NCKAP5: variants seen among roughly 807,000 people sequenced by gnomAD.
NCKAP5 encodes the protein nck-associated protein 5.
In NCKAP5, 92 loss-of-function variants were observed where a neutral mutation model predicts 167.0. That is an observed-to-expected ratio of 0.55 (90% CI 0.47 to 0.66). NCKAP5 has a LOEUF of 0.66. NCKAP5 is among the 30% of genes least tolerant of loss of function. The probability of loss-of-function intolerance (pLI) is 0.00; values close to 1 mark genes in which losing one functional copy is unlikely to be tolerated. For synonymous variants in NCKAP5, 891 were observed against 877.4 expected, an observed-to-expected ratio of 1.02 and a Z score of -0.27; for missense variants, 2,378 against 2,315.0, an observed-to-expected ratio of 1.03 and a Z score of -0.56.
chr2:133,507,049 T>TA (rs1558736812), intron 3 of NCKAP5, among the ~76,000 whole-genome samples: 1 of 152,162 alleles, frequency 6.6e-6, no homozygotes, highest in Non-Finnish European at 1.5e-5. Context: ...CATAGCTACC[T>TA]ACCACACCCA....
chr2:133,613,344 T>C, the NCKAP5 span, among the ~76,000 whole-genome samples: 1 of 152,162 alleles, frequency 6.6e-6, no homozygotes, highest in African/African-American at 2.4e-5. Flanking sequence ...GTTATAATTA[T>C]TAAGAAAGAT....
At chr2:132,910,144 T>G (rs1163991846) in intron 8 of NCKAP5, among the ~76,000 whole-genome samples, 1 of 152,158 alleles carries the variant, frequency 6.6e-6, no homozygotes, top group Non-Finnish European at 1.5e-5. Context: ...AGTAGGTGTA[T>G]GTATTTATGG....
intron 3 of NCKAP5, among the ~76,000 whole-genome samples, chr2:133,492,271 C>G (rs1339994026): frequency 6.6e-6 from 1 of 152,096 alleles, no homozygotes; most frequent in Non-Finnish European, 1.5e-5. Flanking sequence ...CCATTCACCA[C>G]ATAAGTGAAA....
At chr2:133,098,569 T>C (rs573763676) in intron 6 of NCKAP5, among the ~76,000 whole-genome samples, 1 of 152,302 alleles carries the variant, frequency 6.6e-6, no homozygotes, top group African/African-American at 2.4e-5. Flanking sequence ...AAATATTCCT[T>C]CAAAGATCAA....
chr2:133,279,572 A>G (rs533607127), intron 4 of NCKAP5, among the ~76,000 whole-genome samples: 1 of 152,166 alleles, frequency 6.6e-6, no homozygotes, highest in Non-Finnish European at 1.5e-5. Context: ...CTGTTTTATC[A>G]CAGCCAGTCT....
At chr2:133,318,843 C>G (rs1017915976) in intron 3 of NCKAP5, among the ~76,000 whole-genome samples, 2 of 151,986 alleles carry the variant, frequency 1.3e-5, no homozygotes, top group Admixed American at 1.3e-4. Context: ...CAAATGGTAC[C>G]CTTAGCCTCC....
At chr2:133,394,316 T>G (rs13408835) in intron 3 of NCKAP5, among the ~76,000 whole-genome samples, 35,781 of 152,102 alleles carry the variant, frequency 0.24, 4,385 homozygotes, top group Non-Finnish European at 0.25. Context: ...ATTGGGAGTA[T>G]GGTAGGCCAA....
intron 5 of NCKAP5, among the ~76,000 whole-genome samples, chr2:133,137,413 T>TGTGTGTGC (rs1268714438): frequency 8.2e-6 from 1 of 121,502 alleles, no homozygotes; most frequent in African/African-American, 2.9e-5. Flanking sequence ...GTTTTGTGTG[T>TGTGTGTGC]GTGTGTGTGT....
At chr2:133,293,756 G>A (rs551057780) in intron 4 of NCKAP5, among the ~76,000 whole-genome samples, 9 of 152,272 alleles carry the variant, frequency 5.9e-5, no homozygotes, top group African/African-American at 1.7e-4. Context: ...GTGCTGGACA[G>A]AGGGCATAGC....
At chr2:133,526,245 G>A (rs1410678176) in intron 2 of NCKAP5, among the ~76,000 whole-genome samples, 61 of 36,802 alleles carry the variant, frequency 1.7e-3, no homozygotes, top group African/African-American at 2.7e-3. Context: ...AGGAGGGAGG[G>A]AAGGAGGGAG....
chr2:133,044,822 C>A (rs2079335501), intron 6 of NCKAP5, among the ~76,000 whole-genome samples: 1 of 152,074 alleles, frequency 6.6e-6, no homozygotes, highest in Non-Finnish European at 1.5e-5. Context: ...GTAATCTAAT[C>A]CCAGCACTTT....
intron 5 of NCKAP5, among the ~76,000 whole-genome samples, chr2:133,172,689 C>G (rs1330546910): frequency 1.3e-5 from 2 of 151,978 alleles, no homozygotes; most frequent in African/African-American, 4.8e-5. Flanking sequence ...GCTCTGTTGC[C>G]CAGGCTGGAG....
chr2:133,266,688 G>T (rs1306665007), intron 4 of NCKAP5, among the ~76,000 whole-genome samples: 1 of 152,156 alleles, frequency 6.6e-6, no homozygotes, highest in Non-Finnish European at 1.5e-5. Context: ...CGCGCTCACC[G>T]CAGCCCGGGC....
chr2:133,074,153 A>C (rs1195629382), intron 6 of NCKAP5, among the ~76,000 whole-genome samples: 1 of 152,196 alleles, frequency 6.6e-6, no homozygotes, highest in Admixed American at 6.5e-5. Context: ...CTTTCCTCCC[A>C]AAAAAATATT....
intron 6 of NCKAP5, among the ~76,000 whole-genome samples, chr2:133,006,146 C>T (rs999176057): frequency 6.6e-6 from 1 of 151,976 alleles, no homozygotes; most frequent in Admixed American, 6.6e-5. Context: ...GTAGTCCCAG[C>T]TACTTGGGAG....
At chr2:133,391,642 C>T (rs1442380649) in intron 3 of NCKAP5, among the ~76,000 whole-genome samples, 2 of 152,172 alleles carry the variant, frequency 1.3e-5, no homozygotes, top group African/African-American at 4.8e-5. Flanking sequence ...CCGCACTCAT[C>T]CTCTAAATCT....
At chr2:133,214,254 T>C (rs1380477952) in intron 4 of NCKAP5, among the ~76,000 whole-genome samples, 2 of 152,220 alleles carry the variant, frequency 1.3e-5, no homozygotes, top group African/African-American at 2.4e-5. Flanking sequence ...GGCATCATGC[T>C]GGGCAATGCA....
In NCKAP5 at chr2:133,014,303, G is replaced by T. The variant is rs576608133; in HGVS notation, c.342-20064C>A. ...ATTCATTCTTAAAATATATGCCTTT[G>T]CTTTCCTGCCTCCAGATCTACTTCT... is the stretch of plus-strand genomic sequence containing the variant. On this transcript the variant is annotated intron_variant, in intron 6 of 19. Transcript: ENST00000409261. Among the ~76,000 whole-genome samples, 174 of 152,236 alleles carry T rather than the reference G, an allele frequency of 1.1e-3. 2 individuals are homozygous for T. Among genetic ancestry groups the T allele is most frequent in the Admixed American group, 2.0e-3 (31 of 15,280 alleles).
chr2:133,466,139 T>G (rs200084984), intron 3 of NCKAP5, among the ~76,000 whole-genome samples: 14 of 139,098 alleles, frequency 1.0e-4, no homozygotes, highest in African/African-American at 1.6e-4. Flanking sequence ...TTTTATGGTT[T>G]TAGGTCTAAC....
Sources: gnomAD v4.1 joint callset for allele counts (sites outside exome capture counted in the v4.1 genomes callset) on GRCh38, gnomAD v4.1.1 for gene constraint, MANE v1.5 for transcripts, NCBI Gene and HGNC (gene_info 2026-07-23, HGNC 2026-07-21) for gene names.